Variants in LRRTM3 observed in about 807,000 individuals in gnomAD.
LRRTM3 encodes leucine rich repeat transmembrane neuronal 3.
In LRRTM3, 24 loss-of-function variants were observed where a neutral mutation model predicts 44.7. That is an observed-to-expected ratio of 0.54 (90% CI 0.39 to 0.76). The LOEUF is 0.76. Among genes scored for constraint, LRRTM3 ranks in the 30% least tolerant of loss-of-function variants. The pLI is 0.00. For missense variants in LRRTM3, 587 were observed against 702.2 expected, an observed-to-expected ratio of 0.84 and a Z score of 1.85; for synonymous variants, 277 against 278.7, an observed-to-expected ratio of 0.99 and a Z score of 0.06.
chr10:66,991,442 T>A (rs1246142828), intron 2 of LRRTM3, among the ~76,000 whole-genome samples: 1 of 152,194 alleles, frequency 6.6e-6, no homozygotes, highest in African/African-American at 2.4e-5. Context: ...ACCATCATGT[T>A]TTATCTCTAT....
chr10:67,038,980 T>C (rs1428191595), intron 2 of LRRTM3, among the ~76,000 whole-genome samples: 1 of 152,128 alleles, frequency 6.6e-6, no homozygotes, highest in African/African-American at 2.4e-5. Flanking sequence ...TATTAATTTT[T>C]CAGGCATAAT....
intron 2 of LRRTM3, among the ~76,000 whole-genome samples, chr10:67,038,235 TA>T (rs1215172120): frequency 1.6e-4 from 25 of 152,128 alleles, no homozygotes; most frequent in African/African-American, 5.8e-4. Context: ...TGTTGTTGAT[TA>T]GCCATTCTAA....
chr10:67,018,794 T>C (rs1233546994), intron 2 of LRRTM3, among the ~76,000 whole-genome samples: 1 of 152,372 alleles, frequency 6.6e-6, no homozygotes, highest in African/African-American at 2.4e-5. Context: ...AAACAGTTCA[T>C]GGAAGGTGTT....
intron 2 of LRRTM3, chr10:67,015,166 TA>T (rs1253663080): frequency 1.3e-5 from 2 of 152,162 alleles, no homozygotes; most frequent in Non-Finnish European, 2.9e-5. Flanking sequence ...CTTCCAATAT[TA>T]CCTTGTCACA....
chr10:66,975,889 A>G (rs1362235352), intron 2 of LRRTM3, among the ~76,000 whole-genome samples: 3 of 152,224 alleles, frequency 2.0e-5, no homozygotes, highest in Non-Finnish European at 4.4e-5. Flanking sequence ...CAATCAGTAT[A>G]TCAATACCTC....
rs775041349 is a variant in LRRTM3 at position 67,021,669 on chromosome 10, C to T, written c.1537-75918C>T. On this transcript the variant is annotated intron_variant, in intron 2 of 2. Transcript: ENST00000361320. ...GCAACTAAAATGTAAATATATATTCCGAAAAAAATGGCAAAAGTACATATA... is the reference window on the plus strand; with the variant it reads ...GCAACTAAAATGTAAATATATATTCTGAAAAAAATGGCAAAAGTACATATA... Among the ~76,000 whole-genome samples, 15 of 151,552 alleles carry T rather than the reference C, an allele frequency of 9.9e-5. No individual in the cohort carries two copies. The South Asian group carries it at 1.0e-3, about 11-fold the overall frequency.
In LRRTM3 at chr10:67,030,398, T is replaced by C. The variant is rs556003376; in HGVS notation, c.1537-67189T>C. On this transcript the variant is annotated intron_variant, in intron 2 of 2. Coordinates refer to ENST00000361320, the MANE Select transcript of LRRTM3 (RefSeq NM_178011.5). ...AAAATTAATGAAATATTTAAATAGC[T>C]CACCAGTTAAAAATTTAGGCCCTGT... 2.8e-3 allele frequency among the ~76,000 whole-genome samples: 425 copies of C among 152,272 alleles called. 1 individual carries two copies. The highest frequency in any genetic ancestry group is 5.3e-3 in the Non-Finnish European group (361 of 68,010).
At chr10:67,052,104 T>C (rs1380444536) in intron 2 of LRRTM3, among the ~76,000 whole-genome samples, 1 of 152,008 alleles carries the variant, frequency 6.6e-6, no homozygotes. Context: ...TCGTTGAGAG[T>C]CTATTTTTCA....
rs141705690 is a variant in LRRTM3, at chr10:66,934,024, T to A, written c.1536+5572T>A. On this transcript the variant is annotated intron_variant, in intron 2 of 2. Transcript: ENST00000361320. ...TTCATAGGGTCATGAATGGACGCTC[T>A]TGAGTTAGGGATCCTGAACACGTGA... Among the ~76,000 whole-genome samples, 607 of 152,240 alleles carry A rather than the reference T, an allele frequency of 4.0e-3. 4 individuals are homozygous for A. Among genetic ancestry groups the A allele is most frequent in the African/African-American group, 0.014 (580 of 41,560 alleles).
intron 2 of LRRTM3, among the ~76,000 whole-genome samples, chr10:67,097,218 T>G (rs1007301243): frequency 4.6e-5 from 7 of 151,898 alleles, no homozygotes; most frequent in Admixed American, 4.6e-4. Flanking sequence ...AATAATAGGA[T>G]AATTAACACT....
chr10:67,045,335 T>C (rs551765132), intron 2 of LRRTM3, among the ~76,000 whole-genome samples: 2 of 152,238 alleles, frequency 1.3e-5, no homozygotes, highest in South Asian at 2.1e-4. Context: ...CCACAGGAGA[T>C]TGAAATTGGC....
chr10:66,980,940 C>A (rs1850396172), intron 2 of LRRTM3, among the ~76,000 whole-genome samples: 2 of 152,076 alleles, frequency 1.3e-5, no homozygotes, highest in Non-Finnish European at 2.9e-5. Context: ...GAGTTTCACT[C>A]TTGTTGCCCA....
At chr10:66,994,315 C>T (rs1851208124) in intron 2 of LRRTM3, among the ~76,000 whole-genome samples, 1 of 152,170 alleles carries the variant, frequency 6.6e-6, no homozygotes. Context: ...TTTGCCTGGC[C>T]TTTGCTAATC....
chr10:67,014,081 G>T (rs561877832), intron 2 of LRRTM3, among the ~76,000 whole-genome samples: 2 of 152,214 alleles, frequency 1.3e-5, no homozygotes, highest in Non-Finnish European at 2.9e-5. Context: ...TTAAAGCAAA[G>T]AATCAACATT....
intron 2 of LRRTM3, among the ~76,000 whole-genome samples, chr10:67,095,892 T>A (rs1857960272): frequency 1.3e-5 from 2 of 151,912 alleles, no homozygotes; most frequent in African/African-American, 4.8e-5. Flanking sequence ...TTTAGTTATC[T>A]GGGCTATTTC....
At chr10:67,041,742 T>C (rs1199100626) in intron 2 of LRRTM3, among the ~76,000 whole-genome samples, 1 of 152,178 alleles carries the variant, frequency 6.6e-6, no homozygotes, top group Non-Finnish European at 1.5e-5. Flanking sequence ...TAGGCCTTGA[T>C]GACTCATAGA....
chr10:67,064,803 C>T (rs898217612), intron 2 of LRRTM3, among the ~76,000 whole-genome samples: 1 of 151,478 alleles, frequency 6.6e-6, no homozygotes, highest in South Asian at 2.2e-4. Flanking sequence ...ACTTCACATA[C>T]ATTAGATGTG....
At position 66,996,505 on chromosome 10, in the gene LRRTM3, G is replaced by A. The variant is rs372789305; in HGVS notation, c.1536+68053G>A. On this transcript the variant is annotated intron_variant, in intron 2 of 2. Coordinates refer to ENST00000361320, the MANE Select transcript of LRRTM3 (RefSeq NM_178011.5). Reference sequence around the variant, plus strand: ...TACTAAAATACACAAGAAACTAGCCGGGCGTGGTGGCGCGTGCCTGTAGTC... The same window carrying A: ...TACTAAAATACACAAGAAACTAGCCAGGCGTGGTGGCGCGTGCCTGTAGTC... Among the ~76,000 whole-genome samples the A allele has an allele frequency of 5.3e-5, 8 of 151,982 alleles. 1 individual carries two copies. In the East Asian group the frequency reaches 1.2e-3, roughly 22 times the overall value.
chr10:67,092,567 C>T (rs1449171011), intron 2 of LRRTM3, among the ~76,000 whole-genome samples: 5 of 151,568 alleles, frequency 3.3e-5, no homozygotes, highest in Non-Finnish European at 7.4e-5. Context: ...ACAAATATAC[C>T]TAGATATTAC....
Sources: gnomAD v4.1 joint callset for allele counts (sites outside exome capture counted in the v4.1 genomes callset) on GRCh38, gnomAD v4.1.1 for gene constraint, MANE v1.5 for transcripts, NCBI Gene and HGNC (gene_info 2026-07-23, HGNC 2026-07-21) for gene names.